Variants in JAM2 observed in about 807,000 individuals in gnomAD.
JAM2 encodes junctional adhesion molecule 2.
A neutral mutation model predicts 42.0 loss-of-function variants in JAM2; 17 were observed. The observed-to-expected ratio is 0.40, with a 90% CI of 0.28 to 0.61. The LOEUF is 0.61. Among genes scored for constraint, JAM2 ranks in the 20% least tolerant of loss-of-function variants. The probability of loss-of-function intolerance (pLI) is 0.37; values close to 1 mark genes in which losing one functional copy is unlikely to be tolerated. For missense variants in JAM2, 319 were observed against 358.3 expected, an observed-to-expected ratio of 0.89 and a Z score of 0.89; for synonymous variants, 118 against 128.6, an observed-to-expected ratio of 0.92 and a Z score of 0.56.
chr21:25,654,150 C>T (rs1300765298), intron 1 of JAM2, among the ~76,000 whole-genome samples: 1 of 152,000 alleles, frequency 6.6e-6, no homozygotes, highest in African/African-American at 2.4e-5. Flanking sequence ...AAAAGTTCTT[C>T]TTTATAGAAT....
In JAM2 at chr21:25,706,474, G is replaced by A. The variant is rs189641811; in HGVS notation, c.805+388G>A. 2.5e-3 allele frequency among the ~76,000 whole-genome samples: 387 copies of A among 152,246 alleles called. 3 individuals are homozygous for A. Among genetic ancestry groups the A allele is most frequent in the Non-Finnish European group, 4.4e-3 (298 of 68,014 alleles). ...TGGGATTACAGGTGTGAGCTATTGTGCCCGGCCCTCTCCTAGCAAGTTTTA... is the reference window on the plus strand; with the variant it reads ...TGGGATTACAGGTGTGAGCTATTGTACCCGGCCCTCTCCTAGCAAGTTTTA... On this transcript the variant is annotated intron_variant, in intron 7 of 9. Coordinates refer to ENST00000480456, the MANE Select transcript of JAM2 (RefSeq NM_021219.4).
rs1490039456 is a variant in JAM2 at position 25,716,246 on chromosome 21, T to A, written c.*1574T>A. 6.6e-6 allele frequency: 1 copy of A among 152,346 alleles called. No individual in the cohort carries two copies. The highest frequency in any genetic ancestry group is 2.4e-5 in the African/African-American group (1 of 41,450). The allele number at this position is 152,346 out of a possible 1,614,324, so 9.4% of individuals were successfully genotyped here. On this transcript the variant is annotated 3_prime_UTR_variant, in exon 10 of 10. Transcript: ENST00000480456. ...TCTGACCTCAAATGATCCACCCCCA[T>A]CAGCCTCCCAAAGTGCTGGGATTAT...
rs146730830 is a variant in JAM2, at chr21:25,681,374, G to T, written c.68-2509G>T. On this transcript the variant is annotated intron_variant, in intron 1 of 9. Transcript: ENST00000480456. ...CCTCAGGAAACTTACAATCGTGGCA[G>T]AAGGGGAAGCAAATACATCCTTTTT... Among the ~76,000 whole-genome samples, 17 of 152,332 alleles carry T rather than the reference G, an allele frequency of 1.1e-4. No homozygotes were observed. In the East Asian group the frequency reaches 3.1e-3, roughly 28 times the overall value.
intron 4 of JAM2, 107 bp downstream of exon 4, chr21:25,694,015 C>A: frequency 9.5e-7 from 1 of 1,054,680 alleles, no homozygotes; most frequent in Middle Eastern, 2.2e-4. Context: ...CAACTGGGAG[C>A]CTCAACCAGT....
intron 5 of JAM2, among the ~76,000 whole-genome samples, chr21:25,701,775 G>A (rs1333654476): frequency 6.6e-6 from 1 of 152,196 alleles, no homozygotes; most frequent in Non-Finnish European, 1.5e-5. Flanking sequence ...ACTTAGGAAA[G>A]TGCATTAACC....
intron 1 of JAM2, among the ~76,000 whole-genome samples, chr21:25,646,907 T>G (rs887731301): frequency 1.3e-5 from 2 of 152,202 alleles, no homozygotes; most frequent in Non-Finnish European, 2.9e-5. Flanking sequence ...CATCAAATTT[T>G]TATTTGTTTT....
intron 1 of JAM2, among the ~76,000 whole-genome samples, chr21:25,648,248 A>C (rs1040396028): frequency 4.6e-5 from 7 of 152,208 alleles, no homozygotes; most frequent in Non-Finnish European, 1.0e-4. Flanking sequence ...TCAAATAGGA[A>C]TGGATTTTGA....
intron 7 of JAM2, among the ~76,000 whole-genome samples, chr21:25,706,897 G>A (rs767206163): frequency 1.3e-4 from 19 of 151,954 alleles, no homozygotes; most frequent in Non-Finnish European, 1.8e-4. Flanking sequence ...CCGCCACCAC[G>A]CCCGGCTAAT....
In JAM2 at chr21:25,707,868, CAG is replaced by C. The variant is rs772305026; in HGVS notation, c.806-1565_806-1564del. On this transcript the variant is annotated intron_variant, in intron 7 of 9. Coordinates refer to ENST00000480456, the MANE Select transcript of JAM2 (RefSeq NM_021219.4). ...TTAAAACAATTTTTTTTTTTTGAGA[CAG>C]GGTCTCACTCTGTCACCCATGCCTG... Among the ~76,000 whole-genome samples, 139 of 151,342 alleles carry C rather than the reference CAG, an allele frequency of 9.2e-4. 1 individual carries two copies. The highest frequency in any genetic ancestry group is 3.8e-3 in the Admixed American group (58 of 15,198).
intron 1 of JAM2, among the ~76,000 whole-genome samples, chr21:25,665,902 TG>T (rs35953269): frequency 1.3e-5 from 2 of 152,008 alleles, no homozygotes; most frequent in Non-Finnish European, 2.9e-5. Flanking sequence ...GAGCCAGGCG[TG>T]GTGGTGCATG....
At chr21:25,688,689 A>G (rs1374320344) in intron 2 of JAM2, among the ~76,000 whole-genome samples, 1 of 151,950 alleles carries the variant, frequency 6.6e-6, no homozygotes, top group African/African-American at 2.4e-5. Flanking sequence ...CCTACTTTCT[A>G]TTTTCCATTA....
intron 9 of JAM2, chr21:25,714,347 T>C (rs1396983611): frequency 1.9e-6 from 1 of 523,756 alleles, no homozygotes; most frequent in East Asian, 7.2e-5. Flanking sequence ...TCTACTAAAA[T>C]ACAAAAATTA....
chr21:25,645,579 A>G (rs1431249133), intron 1 of JAM2, among the ~76,000 whole-genome samples: 1 of 152,166 alleles, frequency 6.6e-6, no homozygotes, highest in East Asian at 1.9e-4. Context: ...TACTTATTTT[A>G]TATAGTTTAT....
At position 25,706,075 on chromosome 21, in the gene JAM2, G is replaced by A. The variant is rs772971544; in HGVS notation, c.794G>A (p.Gly265Asp). ...GLGVCYAQRK[G>D]YFSKETSFQK... ...GGTGTATGCTATGCTCAGAGGAAAGGCTACTTTTCAAGTAAGTGAATTTCA... is the reference window on the plus strand; with the variant it reads ...GGTGTATGCTATGCTCAGAGGAAAGACTACTTTTCAAGTAAGTGAATTTCA... The change falls in exon 7 of 10, where the codon GGC becomes GAC. Residue 265 changes from glycine (G) to aspartate (D), a missense_variant. Gly to Asp is a moderately conservative substitution (Grantham distance 94). Transcript: ENST00000480456. The A allele has an allele frequency of 5.0e-6, 8 of 1,607,808 alleles. No homozygotes were observed. In the Admixed American group the frequency reaches 5.0e-5, roughly 10 times the overall value.
intron 4 of JAM2, among the ~76,000 whole-genome samples, chr21:25,696,296 G>A (rs1182145969): frequency 6.6e-6 from 1 of 152,180 alleles, no homozygotes; most frequent in Non-Finnish European, 1.5e-5. Flanking sequence ...GCTGAGGCAG[G>A]AGAATCAGGC....
At chr21:25,701,449 C>A (rs964282295) in intron 5 of JAM2, among the ~76,000 whole-genome samples, 1 of 148,200 alleles carries the variant, frequency 6.7e-6, no homozygotes, top group Non-Finnish European at 1.5e-5. Context: ...CCCTCCCTCT[C>A]TTCTTTCTTT....
intron 3 of JAM2, 127 bp from the exon 4 acceptor site, chr21:25,693,629 G>T (rs2033930890): frequency 5.1e-6 from 4 of 789,856 alleles, no homozygotes; most frequent in African/African-American, 1.8e-5. Flanking sequence ...CAACTTTTAG[G>T]CTTTAAACTT....
At chr21:25,690,946 C>T (rs1049606316) in intron 3 of JAM2, among the ~76,000 whole-genome samples, 11 of 152,016 alleles carry the variant, frequency 7.2e-5, no homozygotes, top group African/African-American at 2.7e-4. Flanking sequence ...GTTATAATGT[C>T]CATTTGCTTC....
In JAM2 at chr21:25,656,462, G is replaced by A. The variant is rs76351297; in HGVS notation, c.67+16574G>A. Among the ~76,000 whole-genome samples, 972 of 152,222 alleles carry A rather than the reference G, an allele frequency of 6.4e-3. 28 individuals are homozygous for A. Among genetic ancestry groups the A allele is most frequent in the East Asian group, 0.044 (228 of 5,178 alleles). On this transcript the variant is annotated intron_variant, in intron 1 of 9. Transcript: ENST00000480456. ...TCTTCATATGATTTAATTTCTCATA[G>A]TTCCTTTAGCCTTGAAGACCCCAAA...
Sources: allele counts gnomAD v4.1 joint callset (sites outside exome capture counted in the v4.1 genomes callset), GRCh38; gene constraint gnomAD v4.1.1; transcripts MANE v1.5; gene names NCBI Gene and HGNC (gene_info 2026-07-23, HGNC 2026-07-21).